The following MAPK10 variants were observed in gnomAD, a reference collection of about 807,000 sequenced individuals.
MAPK10 encodes the protein JNK3 alpha protein kinase.
In MAPK10, 25 loss-of-function variants were observed where a neutral mutation model predicts 59.3. The observed-to-expected ratio is 0.42, with a 90% CI of 0.31 to 0.59. The LOEUF (loss-of-function observed/expected upper bound fraction) is 0.59, where lower values mean the gene tolerates loss of function less well. MAPK10 is among the 20% of genes least tolerant of loss of function. The probability of loss-of-function intolerance (pLI) is 0.15; values close to 1 mark genes in which losing one functional copy is unlikely to be tolerated. For synonymous variants in MAPK10, 190 were observed against 200.5 expected (o/e 0.95, Z 0.44); for missense variants, 351 against 568.9 (o/e 0.62, Z 3.90).
chr4:86,203,217 T>C (rs1342492779), intron 2 of MAPK10, among the ~76,000 whole-genome samples: 12 of 152,002 alleles, frequency 7.9e-5, no homozygotes. Flanking sequence ...ACTGAGTTTC[T>C]CTTTATTATA....
intron 11 of MAPK10, among the ~76,000 whole-genome samples, chr4:86,050,627 C>T (rs1024503742): frequency 1.3e-5 from 2 of 151,966 alleles, no homozygotes; most frequent in African/African-American, 4.8e-5. Flanking sequence ...AAGTTTTTTG[C>T]CTGGATTTGA....
At chr4:86,151,409 AG>A (rs1293689850) in intron 4 of MAPK10, among the ~76,000 whole-genome samples, 1 of 152,216 alleles carries the variant, frequency 6.6e-6, no homozygotes, top group Non-Finnish European at 1.5e-5. Context: ...AGCAGGAACA[AG>A]GGCCCAGCTG....
intron 1 of MAPK10, among the ~76,000 whole-genome samples, chr4:86,548,190 C>A (rs1759414996): frequency 6.6e-6 from 1 of 152,116 alleles, no homozygotes; most frequent in Non-Finnish European, 1.5e-5. Flanking sequence ...AGACCACGAA[C>A]CCACCGGGAG....
At chr4:86,327,971 T>G (rs956943913) in intron 2 of MAPK10, among the ~76,000 whole-genome samples, 1 of 151,766 alleles carries the variant, frequency 6.6e-6, no homozygotes, top group Admixed American at 6.6e-5. Context: ...AATAATAATA[T>G]AAAACAAAAA....
intron 2 of MAPK10, among the ~76,000 whole-genome samples, chr4:86,301,890 G>C (rs1392766760): frequency 3.3e-5 from 5 of 152,042 alleles, no homozygotes. Context: ...TTTTTAAATA[G>C]CAAAAACTGC....
At chr4:86,194,820 T>C (rs993353798) in intron 2 of MAPK10, among the ~76,000 whole-genome samples, 1 of 151,852 alleles carries the variant, frequency 6.6e-6, no homozygotes, top group African/African-American at 2.4e-5. Flanking sequence ...AATAGAATTC[T>C]ATATAGGACT....
intron 3 of MAPK10, among the ~76,000 whole-genome samples, chr4:86,188,977 C>A (rs1248476984): frequency 6.6e-6 from 1 of 152,176 alleles, no homozygotes; most frequent in Non-Finnish European, 1.5e-5. Context: ...ATATGGCTAG[C>A]CAGTTTTCCC....
intron 2 of MAPK10, among the ~76,000 whole-genome samples, chr4:86,280,230 T>C (rs564034814): frequency 1.3e-5 from 2 of 152,052 alleles, no homozygotes; most frequent in South Asian, 2.1e-4. Flanking sequence ...CCAGAATCTC[T>C]AAAGAATTTA....
At chr4:86,183,537 CATT>C (rs746444063) in intron 3 of MAPK10, among the ~76,000 whole-genome samples, 1 of 152,084 alleles carries the variant, frequency 6.6e-6, no homozygotes, top group East Asian at 1.9e-4. Flanking sequence ...TCCAGTCTAT[CATT>C]GTTGGACATT....
intron 1 of MAPK10, among the ~76,000 whole-genome samples, chr4:86,522,941 C>T (rs1227353232): frequency 1.3e-5 from 2 of 152,218 alleles, no homozygotes; most frequent in South Asian, 4.1e-4. Flanking sequence ...CACTACCACA[C>T]ACAGAATTTG....
At chr4:86,524,343 C>T (rs1009869745) in intron 1 of MAPK10, among the ~76,000 whole-genome samples, 1 of 152,200 alleles carries the variant, frequency 6.6e-6, no homozygotes, top group Non-Finnish European at 1.5e-5. Flanking sequence ...TATGCAATCA[C>T]CTACTTAGTA....
chr4:86,223,278 T>G (rs1301370054), intron 2 of MAPK10, among the ~76,000 whole-genome samples: 1 of 152,326 alleles, frequency 6.6e-6, no homozygotes, highest in Non-Finnish European at 1.5e-5. Flanking sequence ...GCATTCACCC[T>G]AGTGCCTCCC....
At chr4:86,182,595 G>A (rs1353263901) in intron 3 of MAPK10, among the ~76,000 whole-genome samples, 1 of 152,126 alleles carries the variant, frequency 6.6e-6, no homozygotes, top group African/African-American at 2.4e-5. Context: ...CCCAGGAAAT[G>A]AGAAGCTTCC....
intron 2 of MAPK10, among the ~76,000 whole-genome samples, chr4:86,275,831 T>C (rs1027487191): frequency 6.6e-6 from 1 of 152,140 alleles, no homozygotes; most frequent in African/African-American, 2.4e-5. Context: ...TTGTTCCATC[T>C]TATTTAATCT....
intron 9 of MAPK10, among the ~76,000 whole-genome samples, chr4:86,074,353 C>T (rs2048743190): frequency 6.7e-6 from 1 of 150,106 alleles, no homozygotes; most frequent in Non-Finnish European, 1.5e-5. Flanking sequence ...ATCCAATTTG[C>T]CAGTCTGTGT....
chr4:86,396,188 A>G (rs1742907710), intron 1 of MAPK10, among the ~76,000 whole-genome samples: 1 of 152,182 alleles, frequency 6.6e-6, no homozygotes, highest in Non-Finnish European at 1.5e-5. Context: ...TCTACTAAAA[A>G]TACAAAAAAT....
intron 1 of MAPK10, among the ~76,000 whole-genome samples, chr4:86,467,891 A>G (rs985931674): frequency 1.3e-5 from 2 of 152,156 alleles, no homozygotes; most frequent in Non-Finnish European, 2.9e-5. Context: ...AAAAACCAAG[A>G]GTCCCCATAT....
intron 3 of MAPK10, chr4:86,191,699 AC>A (rs1310078759): frequency 6.7e-6 from 1 of 149,318 alleles, no homozygotes; most frequent in Non-Finnish European, 1.5e-5. Flanking sequence ...ACGGGTCTTG[AC>A]TCTATCCAAT....
At chr4:86,382,063 T>C (rs931897581) in intron 1 of MAPK10, among the ~76,000 whole-genome samples, 50 of 152,124 alleles carry the variant, frequency 3.3e-4, no homozygotes, top group Non-Finnish European at 5.9e-5. Flanking sequence ...CACTGTAGAA[T>C]GTTTAGCAAG....
Sources: gnomAD v4.1 joint callset for allele counts (sites outside exome capture counted in the v4.1 genomes callset) on GRCh38, gnomAD v4.1.1 for gene constraint, MANE v1.5 for transcripts, NCBI Gene and HGNC (gene_info 2026-07-23, HGNC 2026-07-21) for gene names.